The following PKHD1L1 variants were observed in gnomAD, a reference collection of about 807,000 sequenced individuals.
PKHD1L1 encodes fibrocystin-L.
In PKHD1L1, 434 loss-of-function variants were observed where a neutral mutation model predicts 462.9. The observed-to-expected ratio is 0.94, with a 90% CI of 0.87 to 1.02. The LOEUF (loss-of-function observed/expected upper bound fraction) is 1.02. Among genes scored for constraint, PKHD1L1 ranks in the 50% least tolerant of loss-of-function variants. The pLI is 0.00. For missense variants in PKHD1L1, 5,202 were observed against 5,096.1 expected, an observed-to-expected ratio of 1.02 and a Z score of -0.63; for synonymous variants, 1,781 against 1,750.0, an observed-to-expected ratio of 1.02 and a Z score of -0.44.
At chr8:109,498,434 C>A in intron 65 of PKHD1L1, 28 bp from the exon 66 acceptor site, 1 of 1,496,904 alleles carries the variant, frequency 6.7e-7, no homozygotes, top group Non-Finnish European at 9.3e-7. Context: ...ATTATTAATG[C>A]TATATTGTTT....
intron 19 of PKHD1L1, among the ~76,000 whole-genome samples, chr8:109,411,703 T>C (rs77642899): frequency 0.023 from 3,529 of 152,238 alleles, 132 homozygotes; most frequent in African/African-American, 0.081. Context: ...TACTTTCTTT[T>C]TACCATTTGC....
intron 35 of PKHD1L1, 92 bp from the exon 36 acceptor site, chr8:109,442,854 C>A: frequency 8.4e-7 from 1 of 1,187,442 alleles, no homozygotes; most frequent in Non-Finnish European, 1.2e-6. Flanking sequence ...TCTGTATGTG[C>A]ATTTAAATGA....
intron 4 of PKHD1L1, among the ~76,000 whole-genome samples, chr8:109,383,354 A>T (rs1212470231): frequency 8.9e-6 from 1 of 111,824 alleles, no homozygotes; most frequent in Non-Finnish European, 1.7e-5. Flanking sequence ...ATTTTATATT[A>T]TATATTATAA....
At chr8:109,425,559 C>G (rs1349121828) in intron 24 of PKHD1L1, among the ~76,000 whole-genome samples, 1 of 151,886 alleles carries the variant, frequency 6.6e-6, no homozygotes, top group Non-Finnish European at 1.5e-5. Context: ...TTTTAAAAGT[C>G]TGCAAAAATT....
intron 11 of PKHD1L1, among the ~76,000 whole-genome samples, chr8:109,397,617 G>C (rs1023198737): frequency 6.6e-6 from 1 of 152,200 alleles, no homozygotes; most frequent in African/African-American, 2.4e-5. Context: ...TTGAACCCAG[G>C]AGGTGGAGGC....
intron 63 of PKHD1L1, 125 bp from the exon 64 acceptor site, chr8:109,496,794 A>G (rs1819110347): frequency 9.9e-7 from 1 of 1,010,344 alleles, no homozygotes; most frequent in East Asian, 2.4e-5. Flanking sequence ...ATCATATTAA[A>G]CCTGATATCA....
chr8:109,485,126 A>G lies in PKHD1L1; in HGVS notation c.9659A>G (p.Asp3220Gly). The G allele has an allele frequency of 6.3e-7, 1 of 1,598,398 alleles. No individual in the cohort carries two copies. Among genetic ancestry groups the G allele is most frequent in the Non-Finnish European group, 8.5e-7 (1 of 1,171,630 alleles). The change falls in exon 58 of 78, where the codon GAT (aspartate) becomes GGT (glycine). Residue 3220 changes from aspartate to glycine, a missense_variant. By Grantham distance (94) the Asp-to-Gly change is moderately conservative (BLOSUM62 -1). Around this residue, in one of 3 missense-constraint regions of PKHD1L1, gnomAD observed 4,497 missense variants for 4,336.8 expected, o/e 1.04. Transcript: ENST00000378402. ...ETRSIVKILH[D>G]HKILILNDSL... ...AGAAGTATCGTTAAAATCCTGCATG[A>G]TCATAAAATTCTCATTCTTAATGAT...
intron 9 of PKHD1L1, 71 bp from the exon 10 acceptor site, chr8:109,394,344 T>C (rs2130501119): frequency 2.1e-6 from 2 of 937,294 alleles, no homozygotes; most frequent in East Asian, 5.4e-5. Flanking sequence ...ATAATTTCTA[T>C]CACTGAAGTT....
intron 36 of PKHD1L1, 67 bp downstream of exon 36, chr8:109,443,183 C>A: frequency 6.8e-7 from 1 of 1,478,230 alleles, no homozygotes; most frequent in Non-Finnish European, 9.3e-7. Flanking sequence ...ATTTCTGGAG[C>A]CGGTAGCAGA....
At chr8:109,455,513 C>T (rs1816771689) in intron 45 of PKHD1L1, among the ~76,000 whole-genome samples, 1 of 152,136 alleles carries the variant, frequency 6.6e-6, no homozygotes, top group Non-Finnish European at 1.5e-5. Context: ...CTGTGATTGC[C>T]TGTTTACTTT....
chr8:109,522,971 G>A (rs919623556), intron 75 of PKHD1L1, 81 bp downstream of exon 75: 1 of 1,381,356 alleles, frequency 7.2e-7, no homozygotes, highest in East Asian at 2.5e-5. Context: ...CACTCATCCT[G>A]GTGTGCTGGC....
Position 109,404,525 on chromosome 8 carries a change from T to C in PKHD1L1, c.1374-29T>C, listed in dbSNP as rs560542401. 2.9e-6 allele frequency: 4 copies of C among 1,383,314 alleles called. No individual in the cohort carries two copies. The African/African-American group carries it at 5.9e-5, about 20-fold the overall frequency. The allele number at this position is 1,383,314 out of a possible 1,614,324, so 85.7% of individuals were successfully genotyped here. A position where few individuals can be genotyped will look rare whatever the true frequency, so the allele number is the denominator to read the frequency against. On this transcript the variant is annotated intron_variant, in intron 14 of 77. Coordinates refer to ENST00000378402, the MANE Select transcript of PKHD1L1 (RefSeq NM_177531.6). Reference sequence around the variant, plus strand: ...TCATGGCAAGTGTTCTGGAAAAAAGTTATATTCATTAGTTACTCTATTTTC... The same window carrying C: ...TCATGGCAAGTGTTCTGGAAAAAAGCTATATTCATTAGTTACTCTATTTTC...
Position 109,536,295 on chromosome 8 carries a change from A to C in PKHD1L1, c.*6205A>C, listed in dbSNP as rs1254234647. Among the ~76,000 whole-genome samples, 1 of 152,180 alleles carries C rather than the reference A, an allele frequency of 6.6e-6. No individual in the cohort carries two copies. On this transcript the variant is annotated 3_prime_UTR_variant, in exon 78 of 78. Coordinates refer to ENST00000378402, the MANE Select transcript of PKHD1L1 (RefSeq NM_177531.6). Reference sequence around the variant, plus strand: ...CCGTAAAGCAGGAATTACTAACCTAATTTTGCAGATGAGAAAACTGAGGCT... The same window carrying C: ...CCGTAAAGCAGGAATTACTAACCTACTTTTGCAGATGAGAAAACTGAGGCT...
At chr8:109,422,315 G>A (rs887464432) in intron 23 of PKHD1L1, among the ~76,000 whole-genome samples, 6 of 152,042 alleles carry the variant, frequency 3.9e-5, no homozygotes, top group African/African-American at 7.2e-5. Flanking sequence ...TATTACGAGC[G>A]TCTCTTGTGC....
chr8:109,504,490 A>G lies in PKHD1L1; in HGVS notation c.10992A>G (p.Ile3664Met). The G allele has an allele frequency of 6.8e-7, 1 of 1,471,072 alleles. No homozygotes were observed. The highest frequency in any genetic ancestry group is 9.1e-7 in the Non-Finnish European group (1 of 1,097,988). The allele number at this position is 1,471,072 out of a possible 1,614,324, so 91.1% of individuals were successfully genotyped here. Residue 3664 changes from isoleucine (I) to methionine (M), a missense_variant and splice_region_variant, in exon 68 of 78, where the codon ATA (isoleucine) becomes ATG (methionine). By Grantham distance (10) the Ile-to-Met change is conservative (BLOSUM62 1). This residue lies in a region of PKHD1L1 where 698 missense variants were observed against 736.3 expected (regional missense o/e 0.95). Transcript: ENST00000378402. The stretch of plus-strand genomic sequence containing the variant: ...AAATATTTATACATAGGCCTGATAT[A>G]AGGTAAAATACATAAAAATTGTGGT... ...QSKIFIHRPD[I>M]SKVNPSDCVD... is the part of the protein sequence containing the mutation.
chr8:109,422,404 A>T (rs1461916374), intron 23 of PKHD1L1, among the ~76,000 whole-genome samples: 1 of 152,204 alleles, frequency 6.6e-6, no homozygotes, highest in East Asian at 1.9e-4. Context: ...GGCAACCACA[A>T]ATTCATTCTC....
rs1464450784 is a variant in PKHD1L1 at position 109,464,762 on chromosome 8, G to C, written c.7930G>C (p.Ala2644Pro). ...QTGSCTSTVP[A>P]PAIFNSLTTW... ...GGGATCTTGTACATCTACAGTGCCT[G>C]CACCTGCAATATTTAACTCACTTAC... The change falls in exon 49 of 78, where the codon GCA (alanine) becomes CCA (proline). Residue 2644 changes from alanine (A) to proline (P), a missense_variant. Physicochemically the swap from Ala to Pro is conservative, Grantham distance 27 (BLOSUM62 -1). Transcript: ENST00000378402. The C allele has an allele frequency of 1.9e-6, 3 of 1,613,706 alleles. No individual in the cohort carries two copies. Among genetic ancestry groups the C allele is most frequent in the Non-Finnish European group, 2.5e-6 (3 of 1,179,818 alleles).
At chr8:109,449,655 T>C (rs1414453088) in intron 40 of PKHD1L1, among the ~76,000 whole-genome samples, 168 bp downstream of exon 40, 1 of 152,218 alleles carries the variant, frequency 6.6e-6, no homozygotes, top group African/African-American at 2.4e-5. Flanking sequence ...TTACATGTCT[T>C]TTGAGATTCA....
chr8:109,462,012 A>G, intron 48 of PKHD1L1, 104 bp downstream of exon 48: 1 of 1,324,326 alleles, frequency 7.6e-7, no homozygotes, highest in African/African-American at 1.5e-5. Context: ...ATAATCTGGT[A>G]GGGGAGACAG....
Sources: allele counts gnomAD v4.1 joint callset (sites outside exome capture counted in the v4.1 genomes callset), GRCh38; gene constraint gnomAD v4.1.1; regional missense constraint gnomAD v4.1.1; transcripts MANE v1.5; gene names NCBI Gene and HGNC (gene_info 2026-07-23, HGNC 2026-07-21).